LAPTM4B: variants seen among roughly 807,000 people sequenced by gnomAD.
LAPTM4B encodes the protein lysosomal-associated transmembrane protein 4B.
In LAPTM4B, 26 loss-of-function variants were observed where a neutral mutation model predicts 28.5. That is an observed-to-expected ratio of 0.91 (90% CI 0.67 to 1.27). The LOEUF (loss-of-function observed/expected upper bound fraction) is 1.27. Ranked by LOEUF, LAPTM4B falls within the 50% of genes most tolerant of loss-of-function variation. LAPTM4B has a pLI of 0.00. For missense variants in LAPTM4B, 288 were observed against 285.8 expected, an observed-to-expected ratio of 1.01 and a Z score of -0.06; for synonymous variants, 109 against 106.4, an observed-to-expected ratio of 1.02 and a Z score of -0.15.
intron 6 of LAPTM4B, among the ~76,000 whole-genome samples, chr8:97,850,015 C>T (rs1355193895): frequency 6.6e-6 from 1 of 151,832 alleles, no homozygotes; most frequent in African/African-American, 2.4e-5. Context: ...CGGGAAGCCT[C>T]TCCACTGTCC....
At chr8:97,833,925 G>A (rs568577576) in intron 6 of LAPTM4B, among the ~76,000 whole-genome samples, 1 of 152,056 alleles carries the variant, frequency 6.6e-6, no homozygotes, top group African/African-American at 2.4e-5. Flanking sequence ...TTTGTGACAT[G>A]GATAAATATA....
At chr8:97,783,785 C>T (rs1017337226) in intron 1 of LAPTM4B, among the ~76,000 whole-genome samples, 3 of 152,184 alleles carry the variant, frequency 2.0e-5, no homozygotes, top group Non-Finnish European at 4.4e-5. Flanking sequence ...GTGATCTAAA[C>T]CCCTATTCTT....
intron 1 of LAPTM4B, among the ~76,000 whole-genome samples, chr8:97,778,832 C>G (rs527306609): frequency 1.3e-5 from 2 of 152,058 alleles, no homozygotes; most frequent in Non-Finnish European, 1.5e-5. Context: ...TCTGGGTCGC[C>G]GGCTAATAAA....
At chr8:97,777,393 G>T (rs1445387895) in intron 1 of LAPTM4B, among the ~76,000 whole-genome samples, 1 of 151,852 alleles carries the variant, frequency 6.6e-6, no homozygotes, top group Non-Finnish European at 1.5e-5. Context: ...TGATTCGCCC[G>T]CCTTGGACTC....
chr8:97,844,978 C>T (rs1156393318), intron 6 of LAPTM4B, among the ~76,000 whole-genome samples: 3 of 152,160 alleles, frequency 2.0e-5, no homozygotes, highest in Admixed American at 6.5e-5. Flanking sequence ...GTTTTTTAAT[C>T]GTCCCGTCAC....
chr8:97,819,629 G>A (rs1271638290), intron 5 of LAPTM4B, among the ~76,000 whole-genome samples: 2 of 144,436 alleles, frequency 1.4e-5, no homozygotes, highest in Non-Finnish European at 3.1e-5. Flanking sequence ...ATTACTTGAT[G>A]AGCATTGAGA....
intron 4 of LAPTM4B, among the ~76,000 whole-genome samples, chr8:97,817,012 G>A (rs1816928244): frequency 6.6e-6 from 1 of 152,150 alleles, no homozygotes; most frequent in Admixed American, 6.5e-5. Flanking sequence ...AAATTTGTTT[G>A]ACCATAGAAT....
chr8:97,848,847 G>A (rs1011695581), intron 6 of LAPTM4B, among the ~76,000 whole-genome samples: 6 of 152,178 alleles, frequency 3.9e-5, no homozygotes, highest in Non-Finnish European at 8.8e-5. Flanking sequence ...GCACACACAC[G>A]TATGTGCGCT....
Position 97,777,662 on chromosome 8 carries a change from T to C in LAPTM4B, c.99+1554T>C, listed in dbSNP as rs537855016. The stretch of plus-strand genomic sequence containing the variant: ...GTCAGTGCCTATCATGGCCACACAA[T>C]ATAAATTTTTGGCGTGAAAGTATTT... On this transcript the variant is annotated intron_variant, in intron 1 of 6. Transcript: ENST00000521545. Among the ~76,000 whole-genome samples the C allele has an allele frequency of 2.6e-5, 4 of 152,336 alleles. No homozygotes were observed. In the South Asian group the frequency reaches 8.3e-4, roughly 32 times the overall value.
At chr8:97,787,477 G>C (rs912619186) in intron 1 of LAPTM4B, among the ~76,000 whole-genome samples, 1 of 151,808 alleles carries the variant, frequency 6.6e-6, no homozygotes, top group African/African-American at 2.4e-5. Context: ...GTAGAGACAG[G>C]GTTTCACCAT....
At chr8:97,827,749 C>T (rs1052441465) in intron 6 of LAPTM4B, among the ~76,000 whole-genome samples, 8 of 152,072 alleles carry the variant, frequency 5.3e-5, no homozygotes, top group African/African-American at 1.4e-4. Flanking sequence ...CAGGTGCGAG[C>T]GGGCTGAGTC....
chr8:97,823,617 C>G (rs1001716617), intron 5 of LAPTM4B, among the ~76,000 whole-genome samples: 1 of 151,624 alleles, frequency 6.6e-6, no homozygotes, highest in Admixed American at 6.6e-5. Flanking sequence ...TCAAGTGATC[C>G]ACCCACCTCG....
In LAPTM4B at chr8:97,809,333, A is replaced by G. The variant is rs543367946; in HGVS notation, c.211+3869A>G. Among the ~76,000 whole-genome samples, 47 of 152,356 alleles carry G rather than the reference A, an allele frequency of 3.1e-4. No homozygotes were observed. In the South Asian group the frequency reaches 9.5e-3, roughly 31 times the overall value. ...GGGGAAAGAAAGCAGAGTGACATGA[A>G]TTTAACATTAATTAAATATTTTTTC... On this transcript the variant is annotated intron_variant, in intron 2 of 6. Transcript: ENST00000521545.
At chr8:97,820,304 CTTTTT>C (rs71570268) in intron 5 of LAPTM4B, among the ~76,000 whole-genome samples, 1 of 128,350 alleles carries the variant, frequency 7.8e-6, no homozygotes, top group African/African-American at 2.9e-5. Flanking sequence ...TTCTTTCTTT[CTTTTT>C]TTTTTTTTTT....
intron 1 of LAPTM4B, among the ~76,000 whole-genome samples, chr8:97,784,788 C>T (rs1816376084): frequency 6.6e-6 from 1 of 151,980 alleles, no homozygotes; most frequent in Non-Finnish European, 1.5e-5. Context: ...TTTCAGATGG[C>T]TGGAAAACCA....
chr8:97,841,033 C>G (rs112490245), intron 6 of LAPTM4B, among the ~76,000 whole-genome samples: 1 of 150,700 alleles, frequency 6.6e-6, no homozygotes, highest in Admixed American at 6.6e-5. Flanking sequence ...GATGGGGCGG[C>G]GGCTGGGCAG....
intron 2 of LAPTM4B, among the ~76,000 whole-genome samples, chr8:97,806,693 A>G (rs1384652149): frequency 2.0e-5 from 3 of 152,124 alleles, no homozygotes; most frequent in Non-Finnish European, 4.4e-5. Flanking sequence ...TATTCTTGTG[A>G]TAGTGAGTAA....
In LAPTM4B at chr8:97,824,341, A is replaced by G. The variant is rs549487108; in HGVS notation, c.508-717A>G. Among the ~76,000 whole-genome samples the G allele has an allele frequency of 2.7e-3, 406 of 152,156 alleles. 2 individuals carry two copies. The highest frequency in any genetic ancestry group is 9.3e-3 in the African/African-American group (384 of 41,510). On this transcript the variant is annotated intron_variant, in intron 5 of 6. Coordinates refer to ENST00000521545, the MANE Select transcript of LAPTM4B (RefSeq NM_018407.6). ...TGGATTTTAGCAATCTAGTTTCTCT[A>G]TGTGTTTAAACTTCTTTTAATCAAA...
At chr8:97,809,728 G>A (rs1816799728) in intron 2 of LAPTM4B, among the ~76,000 whole-genome samples, 1 of 152,020 alleles carries the variant, frequency 6.6e-6, no homozygotes, top group Middle Eastern at 3.4e-3. Flanking sequence ...AATTAATATA[G>A]CAATTTTATC....
Sources: allele counts gnomAD v4.1 joint callset (sites outside exome capture counted in the v4.1 genomes callset), GRCh38; gene constraint gnomAD v4.1.1; transcripts MANE v1.5; gene names NCBI Gene and HGNC (gene_info 2026-07-23, HGNC 2026-07-21).